PKDCC: variants seen among roughly 807,000 people sequenced by gnomAD.
PKDCC encodes extracellular tyrosine-protein kinase PKDCC.
A neutral mutation model predicts 44.7 loss-of-function variants in PKDCC; 35 were observed. The observed-to-expected ratio is 0.78, with a 90% CI of 0.60 to 1.04. PKDCC has a LOEUF of 1.04. Among genes scored for constraint, PKDCC ranks in the 50% least tolerant of loss-of-function variants. PKDCC has a pLI of 0.00. For missense variants in PKDCC, 738 were observed against 672.7 expected (o/e 1.10, Z -1.07); for synonymous variants, 353 against 303.3 (o/e 1.16, Z -1.70).
At chr2:42,053,175 T>A (rs572180807) in intron 1 of PKDCC, 64 bp from the exon 2 acceptor site, 1 of 1,295,126 alleles carries the variant, frequency 7.7e-7, no homozygotes, top group South Asian at 1.3e-5. Context: ...AACCTGACAG[T>A]CCAGCCCTTC....
chr2:42,049,105 G>A (rs946505706), intron 1 of PKDCC, among the ~76,000 whole-genome samples: 1 of 152,166 alleles, frequency 6.6e-6, no homozygotes, highest in Non-Finnish European at 1.5e-5. Context: ...CAAAACTCAG[G>A]GGGTGGGGCA....
intron 1 of PKDCC, among the ~76,000 whole-genome samples, 172 bp downstream of exon 1, chr2:42,049,010 C>A (rs571462671): frequency 6.6e-6 from 1 of 152,292 alleles, no homozygotes; most frequent in East Asian, 1.9e-4. Context: ...GCTTCTCACT[C>A]CTGGGTGGGC....
At position 42,048,105 on chromosome 2, in the gene PKDCC, G is replaced by A. The variant is rs182284067; in HGVS notation, c.-95G>A. On this transcript the variant is annotated 5_prime_UTR_variant, in exon 1 of 7. Coordinates refer to ENST00000294964, the MANE Select transcript of PKDCC (RefSeq NM_138370.3). The surrounding 1 kb of genome is among the most constrained non-coding windows in gnomAD (Gnocchi z 6.2). ...ATGCGCGCGGGCTGGGCAGGGGGCCGGCGGGGCGCAGAGCGGAGCCGCCTC... is the reference window on the plus strand; with the variant it reads ...ATGCGCGCGGGCTGGGCAGGGGGCCAGCGGGGCGCAGAGCGGAGCCGCCTC... 118,019 of 751,740 alleles carry A rather than the reference G, an allele frequency of 0.16. 10,207 individuals carry two copies. The highest frequency in any genetic ancestry group is 0.21 in the Middle Eastern group (312 of 1,488). The allele number at this position is 751,740 out of a possible 1,614,324, so 46.6% of individuals were successfully genotyped here. A position where few individuals can be genotyped will look rare whatever the true frequency, so the allele number is the denominator to read the frequency against.
Position 42,048,917 on chromosome 2 carries a change from C to T in PKDCC, c.639+79C>T. On this transcript the variant is annotated intron_variant, in intron 1 of 6. Transcript: ENST00000294964. The surrounding 1 kb of genome is among the most constrained non-coding windows in gnomAD (Gnocchi z 6.2). ...TTGTCAACCTGGCTGGAAGAGAACC[C>T]CTTGATCTGGAGTGCCAGTGACTGC... 7 of 1,352,580 alleles carry T rather than the reference C, an allele frequency of 5.2e-6. No individual in the cohort carries two copies. The highest frequency in any genetic ancestry group is 2.0e-5 in the South Asian group (1 of 50,784). The allele number at this position is 1,352,580 out of a possible 1,614,324, so 83.8% of individuals were successfully genotyped here.
At position 42,051,968 on chromosome 2, in the gene PKDCC, T is replaced by C. The variant is rs923935331; in HGVS notation, c.640-1271T>C. On this transcript the variant is annotated intron_variant, in intron 1 of 6. Transcript: ENST00000294964. The surrounding 1 kb of genome is among the most constrained non-coding windows in gnomAD (Gnocchi z 4.2). ...CTGGACAACTCAGCCTTCGTGTTTC[T>C]ACCCCACAGGGTGCTGGTTGTTTTG... 2.6e-5 allele frequency among the ~76,000 whole-genome samples: 4 copies of C among 152,130 alleles called. No individual in the cohort carries two copies. The highest frequency in any genetic ancestry group is 7.2e-5 in the African/African-American group (3 of 41,408).
chr2:42,048,550 G>T lies in PKDCC; in HGVS notation c.351G>T (p.Pro117=). The change falls in exon 1 of 7, where the codon CCG becomes CCT. Residue 117 remains proline (P), a synonymous_variant. Coordinates refer to ENST00000294964, the MANE Select transcript of PKDCC (RefSeq NM_138370.3). The surrounding 1 kb of genome is among the most constrained non-coding windows in gnomAD (Gnocchi z 6.2). The part of the protein sequence containing the change: ...PLSDGAPGWP[P]APGPGSPGPG... Reference sequence around the variant, plus strand: ...CCGACGGCGCCCCAGGCTGGCCCCCGGCTCCCGGCCCAGGCTCCCCCGGCC... The same window carrying T: ...CCGACGGCGCCCCAGGCTGGCCCCCTGCTCCCGGCCCAGGCTCCCCCGGCC... The T allele has an allele frequency of 7.9e-7, 1 of 1,270,184 alleles. No homozygotes were observed. Among genetic ancestry groups the T allele is most frequent in the Non-Finnish European group, 9.8e-7 (1 of 1,015,936 alleles). 78.7% of individuals were successfully genotyped at this position (1,270,184 alleles called of 1,614,324 possible).
chr2:42,055,549 T>G lies in PKDCC; in HGVS notation c.1222+156T>G. On this transcript the variant is annotated intron_variant, in intron 5 of 6. Coordinates refer to ENST00000294964, the MANE Select transcript of PKDCC (RefSeq NM_138370.3). This position sits in a 1 kb window ranked among gnomAD's most constrained non-coding sequence, Gnocchi z 4.5. ...ACATAGAATCATGGAGGGGCTGACA[T>G]GGACTAATTTGAGGTTCCATCTCTA... The G allele has an allele frequency of 1.6e-6, 1 of 629,600 alleles. No homozygotes were observed. Among genetic ancestry groups the G allele is most frequent in the Non-Finnish European group, 2.8e-6 (1 of 359,284 alleles). The allele number at this position is 629,600 out of a possible 1,614,324, so 39.0% of individuals were successfully genotyped here.
At position 42,048,422 on chromosome 2, in the gene PKDCC, C is replaced by A; in HGVS notation, c.223C>A (p.Pro75Thr). The A allele has an allele frequency of 8.8e-7, 1 of 1,133,480 alleles. No homozygotes were observed. 70.2% of individuals were successfully genotyped at this position (1,133,480 alleles called of 1,614,324 possible). ...GGTGCAGCGCTATTCCCGCGGGGGC[C>A]CCGGGCCCGGGGCGGGCCGGCCGGA... ...EEVQRYSRGG[P>T]GPGAGRPERR... is the part of the protein sequence containing the mutation. Residue 75 changes from proline (P) to threonine (T), a missense_variant, in exon 1 of 7, where the codon CCC (proline) becomes ACC (threonine). By Grantham distance (38) the Pro-to-Thr change is conservative (BLOSUM62 -1). Transcript: ENST00000294964. This position sits in a 1 kb window ranked among gnomAD's most constrained non-coding sequence, Gnocchi z 6.2.
rs768706322 is a variant in PKDCC, at chr2:42,057,314, A to G, written c.1316A>G (p.Asn439Ser). The G allele has an allele frequency of 3.7e-6, 6 of 1,613,988 alleles. No individual in the cohort carries two copies. In the South Asian group the frequency reaches 5.5e-5, roughly 15 times the overall value. Residue 439 changes from asparagine to serine, a missense_variant, in exon 6 of 7, where the codon AAC becomes AGC. Coordinates refer to ENST00000294964, the MANE Select transcript of PKDCC (RefSeq NM_138370.3). Reference protein sequence around the residue: ...HHGSCLLSVFNLAEAVDVCES... With the variant: ...HHGSCLLSVFSLAEAVDVCES... ...GGGAGCTGCCTCCTTTCAGTGTTCA[A>G]CCTGGCTGAGGCTGTGGATGTCTGT...
At chr2:42,049,160 T>C (rs1384363783) in intron 1 of PKDCC, among the ~76,000 whole-genome samples, 9 of 151,980 alleles carry the variant, frequency 5.9e-5, no homozygotes, top group East Asian at 1.9e-4. Flanking sequence ...AGTTAGGAGG[T>C]TGAACACCAG....
chr2:42,049,675 C>T (rs960494744), intron 1 of PKDCC, among the ~76,000 whole-genome samples: 73 of 152,246 alleles, frequency 4.8e-4, no homozygotes, highest in African/African-American at 1.6e-3. Flanking sequence ...GAGACACAGG[C>T]GAGAGCTGAA....
Position 42,054,105 on chromosome 2 carries a change from G to A in PKDCC, c.832G>A (p.Asp278Asn). 6.2e-7 allele frequency: 1 copy of A among 1,613,084 alleles called. No individual in the cohort carries two copies. The highest frequency in any genetic ancestry group is 8.5e-7 in the Non-Finnish European group (1 of 1,179,880). Residue 278 changes from aspartate to asparagine, a missense_variant, in exon 3 of 7, where the codon GAC (aspartate) becomes AAC (asparagine). Transcript: ENST00000294964. This position sits in a 1 kb window ranked among gnomAD's most constrained non-coding sequence, Gnocchi z 6.1. Reference sequence around the variant, plus strand: ...CCCACTGGGCTCCGTCACTCTGCTGGACTTCCGCCCTCGGCAGTTTGTGCT... The same window carrying A: ...CCCACTGGGCTCCGTCACTCTGCTGAACTTCCGCCCTCGGCAGTTTGTGCT... Reference protein sequence around the residue: ...HSPLGSVTLLDFRPRQFVLVD... With the variant: ...HSPLGSVTLLNFRPRQFVLVD...
chr2:42,048,815 C>A lies in PKDCC; in HGVS notation c.616C>A (p.Leu206Met). Residue 206 changes from leucine to methionine, a missense_variant, in exon 1 of 7, where the codon CTG becomes ATG. Transcript: ENST00000294964. The surrounding 1 kb of genome is among the most constrained non-coding windows in gnomAD (Gnocchi z 6.2). ...TAAGGAGATGGTGCTGCTGGAGCGG[C>A]TGCGGCACCCCAACGTGCTGCAGGT... ...LLKEMVLLER[L>M]RHPNVLQLYG... 1 of 1,472,800 alleles carries A rather than the reference C, an allele frequency of 6.8e-7. No homozygotes were observed. 91.2% of individuals were successfully genotyped at this position (1,472,800 alleles called of 1,614,324 possible). A position where few individuals can be genotyped will look rare whatever the true frequency, so the allele number is the denominator to read the frequency against.
Position 42,054,658 on chromosome 2 carries a change from C to A in PKDCC, c.1035-283C>A. The A allele has an allele frequency of 1.8e-6, 1 of 548,814 alleles. No homozygotes were observed. Among genetic ancestry groups the A allele is most frequent in the East Asian group, 3.0e-5 (1 of 33,168 alleles). 34.0% of individuals were successfully genotyped at this position (548,814 alleles called of 1,614,324 possible). On this transcript the variant is annotated intron_variant, in intron 3 of 6. Transcript: ENST00000294964. The surrounding 1 kb of genome is among the most constrained non-coding windows in gnomAD (Gnocchi z 6.1). ...CCCAGCCATGGGGCTGCTCCGACAC[C>A]GGGAGTCAGTCAGGGGATAATGTGG...
intron 1 of PKDCC, among the ~76,000 whole-genome samples, chr2:42,049,628 T>A (rs1667934369): frequency 6.6e-6 from 1 of 151,924 alleles, no homozygotes; most frequent in Non-Finnish European, 1.5e-5. Context: ...AATGCTCAGG[T>A]TCCTACTCAA....
At chr2:42,056,360 G>C (rs777307797) in intron 5 of PKDCC, among the ~76,000 whole-genome samples, 4 of 152,160 alleles carry the variant, frequency 2.6e-5, no homozygotes, top group Admixed American at 6.5e-5. Context: ...TGAGATCTCA[G>C]ATTTTCCCTC....
At chr2:42,053,204 CTGTG>C in intron 1 of PKDCC, 31 bp from the exon 2 acceptor site, 1 of 1,483,942 alleles carries the variant, frequency 6.7e-7, no homozygotes, top group Non-Finnish European at 9.2e-7. Flanking sequence ...CACCCCCACC[CTGTG>C]ACCTAATGAC....
At chr2:42,050,229 G>T (rs145573443) in intron 1 of PKDCC, among the ~76,000 whole-genome samples, 1 of 152,188 alleles carries the variant, frequency 6.6e-6, no homozygotes, top group African/African-American at 2.4e-5. Flanking sequence ...AGCTCACACC[G>T]TGTCTGCAGC....
Position 42,048,716 on chromosome 2 carries a change from C to T in PKDCC, c.517C>T (p.His173Tyr). 6.4e-7 allele frequency: 1 copy of T among 1,560,618 alleles called. No individual in the cohort carries two copies. The change falls in exon 1 of 7, where the codon CAC (histidine) becomes TAC (tyrosine). Residue 173 changes from histidine (H) to tyrosine (Y), a missense_variant. His to Tyr is a moderately conservative substitution (Grantham distance 83, BLOSUM62 2). Coordinates refer to ENST00000294964, the MANE Select transcript of PKDCC (RefSeq NM_138370.3). The surrounding 1 kb of genome is among the most constrained non-coding windows in gnomAD (Gnocchi z 6.2). ...GCTCAAGGCGGTGGACTTTAGCGGC[C>T]ACGATCTGGGCAGCTGCGTGCGCGA... ...VALKAVDFSG[H>Y]DLGSCVREFG...
Sources: allele counts gnomAD v4.1 joint callset (sites outside exome capture counted in the v4.1 genomes callset), GRCh38; gene constraint gnomAD v4.1.1; non-coding constraint Gnocchi (gnomAD v3.1); transcripts MANE v1.5; gene names NCBI Gene and HGNC (gene_info 2026-07-23, HGNC 2026-07-21).